Variants in HSD17B13 observed in about 807,000 individuals in gnomAD.
The protein encoded by HSD17B13 is hydroxysteroid 17-beta dehydrogenase 13.
HSD17B13 carries 26 observed loss-of-function variants against 31.1 expected under a neutral mutation model. The observed-to-expected ratio is 0.84, with a 90% CI of 0.61 to 1.16. HSD17B13 has a LOEUF of 1.16. Ranked by LOEUF, HSD17B13 falls within the 50% of genes most tolerant of loss-of-function variation. The probability of loss-of-function intolerance (pLI) is 0.00; values close to 1 mark genes in which losing one functional copy is unlikely to be tolerated. For synonymous variants in HSD17B13, 141 were observed against 133.7 expected (o/e 1.05, Z -0.38); for missense variants, 374 against 366.5 (o/e 1.02, Z -0.17).
chr4:87,317,565 T>TTTTTTTTTTTTC lies in HSD17B13; in HGVS notation c.319-343_319-342insGAAAAAAAAAAA, dbSNP rs1311547262. On this transcript the variant is annotated intron_variant, in intron 2 of 6. Transcript: ENST00000328546. ...TTAAAAATGTGTTTTTCTTTAAACTTTTTTTTTTTTTTTTTTTTTTTTTTT... is the reference window on the plus strand; with the variant it reads ...TTAAAAATGTGTTTTTCTTTAAACTTTTTTTTTTTTTCTTTTTTTTTTTTTTTTTTTTTTTTT... Among the ~76,000 whole-genome samples the TTTTTTTTTTTTC allele has an allele frequency of 3.7e-4, 40 of 108,322 alleles. 4 individuals carry two copies. Among genetic ancestry groups the TTTTTTTTTTTTC allele is most frequent in the African/African-American group, 1.8e-3 (39 of 21,322 alleles). 71.1% of individuals were successfully genotyped at this position (108,322 alleles called of 152,430 possible). A position where few individuals can be genotyped will look rare whatever the true frequency, so the allele number is the denominator to read the frequency against.
At chr4:87,316,938 C>T (rs1159028015) in intron 3 of HSD17B13, among the ~76,000 whole-genome samples, 154 bp downstream of exon 3, 1 of 152,160 alleles carries the variant, frequency 6.6e-6, no homozygotes, top group Non-Finnish European at 1.5e-5. Flanking sequence ...GTGTCAGAGA[C>T]TCTGTGGCTC....
intron 4 of HSD17B13, among the ~76,000 whole-genome samples, chr4:87,315,045 A>C (rs1734619699): frequency 6.6e-6 from 1 of 152,210 alleles, no homozygotes; most frequent in South Asian, 2.1e-4. Flanking sequence ...CAGGGTCTGG[A>C]GGCAGGGAAC....
chr4:87,319,971 C>A (rs1734744406), intron 1 of HSD17B13, among the ~76,000 whole-genome samples: 5 of 152,222 alleles, frequency 3.3e-5, no homozygotes, highest in Admixed American at 3.3e-4. Flanking sequence ...GTCTCACAAT[C>A]TGTAAACTCT....
Position 87,304,171 on chromosome 4 carries a change from T to C in HSD17B13, c.*1047A>G, listed in dbSNP as rs1734332450. 1.3e-5 allele frequency: 2 copies of C among 151,998 alleles called. No homozygotes were observed. The highest frequency in any genetic ancestry group is 4.2e-4 in the South Asian group (2 of 4,804). 9.4% of individuals were successfully genotyped at this position (151,998 alleles called of 1,614,324 possible). ...AAAAATACAAAAAATTAGCCGGGTGTGGTGGCGGGCGCCTGTAGTCCCAGC... is the reference window on the plus strand; with the variant it reads ...AAAAATACAAAAAATTAGCCGGGTGCGGTGGCGGGCGCCTGTAGTCCCAGC... On this transcript the variant is annotated 3_prime_UTR_variant, in exon 7 of 7. Transcript: ENST00000328546.
At chr4:87,321,041 T>C (rs957002626) in intron 1 of HSD17B13, among the ~76,000 whole-genome samples, 1 of 152,198 alleles carries the variant, frequency 6.6e-6, no homozygotes. Flanking sequence ...CTTTTTTTAT[T>C]TTTTTTGAGA....
Position 87,313,850 on chromosome 4 carries a change from G to C in HSD17B13, c.668C>G (p.Thr223Ser). 1 of 1,612,308 alleles carries C rather than the reference G, an allele frequency of 6.2e-7. No homozygotes were observed. Among genetic ancestry groups the C allele is most frequent in the Non-Finnish European group, 8.5e-7 (1 of 1,179,234 alleles). ...TGTGCTTGGATTTTTGGTGAACCCA[G>C]TATTCACAAAAACTGGGCAGAGACA... The part of the protein sequence containing the change: ...TSCLCPVFVN[T>S]GFTKNPSTRL... The change falls in exon 5 of 7, where the codon ACT becomes AGT. Residue 223 changes from threonine (T) to serine (S), a missense_variant. Thr to Ser is a moderately conservative substitution (Grantham distance 58). Transcript: ENST00000328546.
At chr4:87,320,332 T>C (rs1053366171) in intron 1 of HSD17B13, among the ~76,000 whole-genome samples, 2 of 152,030 alleles carry the variant, frequency 1.3e-5, no homozygotes, top group African/African-American at 4.8e-5. Flanking sequence ...AGAGCATAAG[T>C]TACCAGAGCA....
At chr4:87,305,919 G>C (rs1734379976) in intron 6 of HSD17B13, among the ~76,000 whole-genome samples, 2 of 152,156 alleles carry the variant, frequency 1.3e-5, no homozygotes, top group Non-Finnish European at 2.9e-5. Context: ...TTAACGTCTT[G>C]CAGCGGAGTA....
In HSD17B13 at chr4:87,310,225, G is replaced by A. The variant is rs755386299; in HGVS notation, c.812+18C>T. On this transcript the variant is annotated intron_variant, in intron 6 of 6. Coordinates refer to ENST00000328546, the MANE Select transcript of HSD17B13 (RefSeq NM_178135.5). ...TCTATTGGTGTTTTAGTATTTGGGTGTTCTGTGCTGTACTTACTTCTGTAG... is the reference window on the plus strand; with the variant it reads ...TCTATTGGTGTTTTAGTATTTGGGTATTCTGTGCTGTACTTACTTCTGTAG... 11 of 1,532,706 alleles carry A rather than the reference G, an allele frequency of 7.2e-6. No individual in the cohort carries two copies. Among genetic ancestry groups the A allele is most frequent in the Non-Finnish European group, 9.6e-6 (11 of 1,149,108 alleles). The allele number at this position is 1,532,706 out of a possible 1,614,324, so 94.9% of individuals were successfully genotyped here.
chr4:87,304,001 G>C lies in HSD17B13; in HGVS notation c.*1217C>G, dbSNP rs1235959126. The C allele has an allele frequency of 6.6e-6, 1 of 151,752 alleles. No homozygotes were observed. The highest frequency in any genetic ancestry group is 1.5e-5 in the Non-Finnish European group (1 of 67,968). 9.4% of individuals were successfully genotyped at this position (151,752 alleles called of 1,614,324 possible). On this transcript the variant is annotated 3_prime_UTR_variant, in exon 7 of 7. Coordinates refer to ENST00000328546, the MANE Select transcript of HSD17B13 (RefSeq NM_178135.5). The stretch of plus-strand genomic sequence containing the variant: ...ATTAGTCTTGATGTAGTGGGAGTCG[G>C]ATTATTTTTTCTATTAAAAAAAAAA...
rs1734587442 is a variant in HSD17B13, at chr4:87,313,812, T to C, written c.695+11A>G. The C allele has an allele frequency of 6.2e-7, 1 of 1,609,592 alleles. No individual in the cohort carries two copies. The highest frequency in any genetic ancestry group is 1.3e-5 in the African/African-American group (1 of 74,524). ...TACCACATACCCATTCTAACTTGAT[T>C]TTGACCTTACCTTGTGCTTGGATTT... On this transcript the variant is annotated intron_variant, in intron 5 of 6. Coordinates refer to ENST00000328546, the MANE Select transcript of HSD17B13 (RefSeq NM_178135.5).
intron 4 of HSD17B13, 65 bp downstream of exon 4, chr4:87,315,428 A>G: frequency 2.2e-6 from 2 of 907,008 alleles, no homozygotes; most frequent in South Asian, 1.7e-5. Flanking sequence ...AGTGGTAACA[A>G]TTTGAAGTGT....
rs756162852 is a variant in HSD17B13 at position 87,313,945 on chromosome 4, G to T, written c.573C>A (p.Ala191=). 81 of 1,536,690 alleles carry T rather than the reference G, an allele frequency of 5.3e-5. No homozygotes were observed. The highest frequency in any genetic ancestry group is 6.7e-5 in the Non-Finnish European group (77 of 1,156,604). ...YLIPYCSSKF[A]AVGFHRGLTS... is the part of the protein sequence containing the mutation. ...TCAGACCTCTGTGAAAGCCAACAGC[G>T]GCAAATTTGCTGGAACTGTAAGAGA... is the stretch of plus-strand genomic sequence containing the variant. The change falls in exon 5 of 7, where the codon GCC becomes GCA. Residue 191 remains alanine, a synonymous_variant. Coordinates refer to ENST00000328546, the MANE Select transcript of HSD17B13 (RefSeq NM_178135.5).
chr4:87,322,157 C>T (rs6833257), intron 1 of HSD17B13, among the ~76,000 whole-genome samples: 6 of 152,108 alleles, frequency 3.9e-5, no homozygotes, highest in Admixed American at 6.5e-5. Flanking sequence ...CTTTTGACTA[C>T]GGACTGGCAA....
At chr4:87,306,232 T>C (rs62305719) in intron 6 of HSD17B13, among the ~76,000 whole-genome samples, 15,947 of 152,204 alleles carry the variant, frequency 0.1, 1,109 homozygotes, top group Non-Finnish European at 0.15. Flanking sequence ...CACTCTCTTA[T>C]CTGATATGAG....
In HSD17B13 at chr4:87,310,260, G is replaced by T. The variant is rs1734501202; in HGVS notation, c.795C>A (p.Ile265=). 3 of 1,570,152 alleles carry T rather than the reference G, an allele frequency of 1.9e-6. No homozygotes were observed. Among genetic ancestry groups the T allele is most frequent in the East Asian group, 4.7e-5 (2 of 42,238 alleles). Residue 265 remains isoleucine (I), a synonymous_variant, in exon 6 of 7, where the codon ATC becomes ATA. Transcript: ENST00000328546. ...GTACTTACTTCTGTAGTCTCAGAAA[G>T]ATATTGATATACGATGGAACAAAAA... ...KMIFVPSYIN[I]FLRLQKFLPE...
rs59739874 is a variant in HSD17B13, at chr4:87,322,791, G to A, written c.51C>T (p.Ser17=). 6.7e-3 allele frequency: 10,761 copies of A among 1,614,114 alleles called. 640 individuals carry two copies. In the African/African-American group the frequency reaches 0.12, roughly 19 times the overall value. The part of the protein sequence containing the change: ...ILLLLITIIY[S]YLESLVKFFI... ...AAAACTTCACCAACGACTCCAAGTA[G>A]GAGTAGATGATGGTGATCAGAAGCA... The change falls in exon 1 of 7, where the codon TCC becomes TCT. Residue 17 remains serine, a synonymous_variant. Coordinates refer to ENST00000328546, the MANE Select transcript of HSD17B13 (RefSeq NM_178135.5).
intron 4 of HSD17B13, among the ~76,000 whole-genome samples, chr4:87,315,201 C>T (rs768153473): frequency 1.8e-4 from 28 of 152,186 alleles, no homozygotes; most frequent in Non-Finnish European, 3.4e-4. Context: ...TTACATAGGG[C>T]GTACACCAAG....
At chr4:87,305,498 A>G (rs1358515632) in intron 6 of HSD17B13, among the ~76,000 whole-genome samples, 190 bp from the exon 7 acceptor site, 1 of 149,696 alleles carries the variant, frequency 6.7e-6, no homozygotes, top group African/African-American at 2.5e-5. Flanking sequence ...TTTTTTTGAC[A>G]TAACTTCATA....
Sources: gnomAD v4.1 joint callset for allele counts (sites outside exome capture counted in the v4.1 genomes callset) on GRCh38, gnomAD v4.1.1 for gene constraint, MANE v1.5 for transcripts, NCBI Gene and HGNC (gene_info 2026-07-23, HGNC 2026-07-21) for gene names.